The following ME3 variants were observed in gnomAD, a reference collection of about 807,000 sequenced individuals.
The protein encoded by ME3 is NADP-dependent malic enzyme, mitochondrial.
In ME3, 48 loss-of-function variants were observed where a neutral mutation model predicts 68.9. That is an observed-to-expected ratio of 0.70 (90% CI 0.55 to 0.89). The LOEUF is 0.89. Ranked by LOEUF, ME3 falls within the 40% of genes least tolerant of loss-of-function variation. The pLI is 0.00. For synonymous variants in ME3, 320 were observed against 318.8 expected (o/e 1.00, Z -0.04); for missense variants, 675 against 797.4 (o/e 0.85, Z 1.85).
chr11:86,574,410 G>GC (rs1957974352), intron 2 of ME3, among the ~76,000 whole-genome samples: 1 of 117,924 alleles, frequency 8.5e-6, no homozygotes, highest in African/African-American at 3.1e-5. Context: ...GGGGGGGGGG[G>GC]GTGTCTTTTT....
intron 7 of ME3, among the ~76,000 whole-genome samples, chr11:86,476,536 T>C (rs1442915373): frequency 6.6e-6 from 1 of 152,296 alleles, no homozygotes; most frequent in East Asian, 1.9e-4. Flanking sequence ...GAAAAGATGT[T>C]TGGTTACTTG....
chr11:86,483,925 G>A (rs1951552427), intron 7 of ME3, among the ~76,000 whole-genome samples: 1 of 152,216 alleles, frequency 6.6e-6, no homozygotes, highest in African/African-American at 2.4e-5. Context: ...ACAGCAGGAG[G>A]TGGTGCCCGG....
In ME3 at chr11:86,476,736, T is replaced by C. The variant is rs114813451; in HGVS notation, c.809+10601A>G. Reference sequence around the variant, plus strand: ...GAGAGCAAAACTGAATAGGTCTGTGTTGGGGGTGGGGATGAAGACCAAGCA... The same window carrying C: ...GAGAGCAAAACTGAATAGGTCTGTGCTGGGGGTGGGGATGAAGACCAAGCA... On this transcript the variant is annotated intron_variant, in intron 7 of 14. Coordinates refer to ENST00000543262, the Ensembl canonical transcript of ME3. Among the ~76,000 whole-genome samples, 1,017 of 152,178 alleles carry C rather than the reference T, an allele frequency of 6.7e-3. 9 individuals carry two copies. The highest frequency in any genetic ancestry group is 0.023 in the African/African-American group (949 of 41,502).
chr11:86,663,448 T>C (rs2135500446), intron 2 of ME3, among the ~76,000 whole-genome samples: 1 of 152,302 alleles, frequency 6.6e-6, no homozygotes, highest in African/African-American at 2.4e-5. Flanking sequence ...CTGTAGGATA[T>C]CCATCACATT....
At chr11:86,461,125 C>T (rs1950205249) in intron 8 of ME3, among the ~76,000 whole-genome samples, 1 of 152,224 alleles carries the variant, frequency 6.6e-6, no homozygotes, top group African/African-American at 2.4e-5. Flanking sequence ...TACCCTCCAC[C>T]ACTTCACACG....
exon 2 of ME3, chr11:86,671,901 G>T: frequency 6.8e-7 from 1 of 1,465,708 alleles, no homozygotes; most frequent in Non-Finnish European, 9.0e-7. Flanking sequence ...GGCCCGGCCC[G>T]GCCAGGGAGC....
chr11:86,596,926 GT>G (rs1414928181), intron 2 of ME3, among the ~76,000 whole-genome samples: 2 of 152,194 alleles, frequency 1.3e-5, no homozygotes, highest in African/African-American at 4.8e-5. Flanking sequence ...GGACCAGGTT[GT>G]GGAGAACAGT....
chr11:86,609,786 G>A (rs1330308567), intron 2 of ME3, among the ~76,000 whole-genome samples: 1 of 152,206 alleles, frequency 6.6e-6, no homozygotes, highest in Non-Finnish European at 1.5e-5. Flanking sequence ...GCATGGAGAA[G>A]TAAGTTTCAG....
chr11:86,516,587 C>G (rs1480837670), intron 4 of ME3, among the ~76,000 whole-genome samples: 1 of 152,138 alleles, frequency 6.6e-6, no homozygotes, highest in Non-Finnish European at 1.5e-5. Context: ...TGGGATTTCA[C>G]TATATGTTGG....
intron 1 of ME3, 52 bp from the exon 2 acceptor site, chr11:86,672,010 C>A: frequency 1.5e-6 from 2 of 1,314,506 alleles, no homozygotes; most frequent in Non-Finnish European, 1.9e-6. Context: ...CAGCCAGGAC[C>A]CACGCGCGCT....
chr11:86,666,253 C>A (rs1007427196), intron 2 of ME3, among the ~76,000 whole-genome samples: 5 of 152,158 alleles, frequency 3.3e-5, no homozygotes, highest in African/African-American at 1.2e-4. Flanking sequence ...AAGTTGTGCC[C>A]TTAAAAGGGA....
intron 4 of ME3, among the ~76,000 whole-genome samples, chr11:86,532,835 G>A (rs377623948): frequency 1.8e-4 from 27 of 152,212 alleles, no homozygotes; most frequent in Non-Finnish European, 3.2e-4. Flanking sequence ...CAAGGTGGGC[G>A]GATCAACTGA....
chr11:86,468,866 C>G (rs1359303910), intron 7 of ME3, among the ~76,000 whole-genome samples: 4 of 152,108 alleles, frequency 2.6e-5, no homozygotes, highest in Admixed American at 2.0e-4. Context: ...CATACATTAT[C>G]TTAATTAATC....
intron 2 of ME3, among the ~76,000 whole-genome samples, chr11:86,657,234 A>G (rs903306526): frequency 1.3e-5 from 2 of 152,182 alleles, no homozygotes; most frequent in Non-Finnish European, 2.9e-5. Flanking sequence ...CCCATCAATG[A>G]TAGGCTGGAT....
intron 5 of ME3, among the ~76,000 whole-genome samples, chr11:86,500,784 T>A (rs1280875694): frequency 1.3e-5 from 2 of 152,144 alleles, no homozygotes; most frequent in Non-Finnish European, 2.9e-5. Context: ...TCTCTATTCC[T>A]TTTTCCTGGA....
At chr11:86,520,843 AC>A (rs1223110541) in intron 4 of ME3, among the ~76,000 whole-genome samples, 2 of 152,178 alleles carry the variant, frequency 1.3e-5, no homozygotes, top group Non-Finnish European at 2.9e-5. Context: ...TTTTTCTACG[AC>A]TATATCTAAC....
chr11:86,496,726 T>TA (rs1357200317), intron 6 of ME3, among the ~76,000 whole-genome samples: 1 of 152,180 alleles, frequency 6.6e-6, no homozygotes, highest in Admixed American at 6.5e-5. Flanking sequence ...GGGGTTTTCT[T>TA]ATGTAAATTA....
At chr11:86,602,898 T>A (rs922789679) in intron 2 of ME3, among the ~76,000 whole-genome samples, 2 of 152,348 alleles carry the variant, frequency 1.3e-5, no homozygotes, top group South Asian at 4.1e-4. Context: ...GCTAGCCATA[T>A]GTAGAAAGCT....
At chr11:86,512,617 G>A (rs11234667) in intron 4 of ME3, among the ~76,000 whole-genome samples, 10,307 of 152,284 alleles carry the variant, frequency 0.068, 423 homozygotes, top group Non-Finnish European at 0.095. Context: ...TCATGTTCAA[G>A]GGATCATGTG....
Sources: gnomAD v4.1 joint callset for allele counts (sites outside exome capture counted in the v4.1 genomes callset) on GRCh38, gnomAD v4.1.1 for gene constraint, MANE v1.5 for transcripts, NCBI Gene and HGNC (gene_info 2026-07-23, HGNC 2026-07-21) for gene names.